LCORL: variants seen among roughly 807,000 people sequenced by gnomAD.
LCORL encodes ligand-dependent nuclear receptor corepressor-like protein.
In LCORL, 41 loss-of-function variants were observed where a neutral mutation model predicts 141.8. The observed-to-expected ratio is 0.29, with a 90% CI of 0.23 to 0.38. LCORL has a LOEUF of 0.38. LCORL is among the 10% of genes least tolerant of loss of function. LCORL has a pLI of 1.00. For missense variants in LCORL, 1,759 were observed against 2,035.0 expected (o/e 0.86, Z 2.61); for synonymous variants, 618 against 694.1 (o/e 0.89, Z 1.72).
At chr4:17,998,501 G>C (rs1480717368) in intron 1 of LCORL, among the ~76,000 whole-genome samples, 1 of 151,308 alleles carries the variant, frequency 6.6e-6, no homozygotes. Context: ...CATTAGCCTA[G>C]GCATACACAG....
At chr4:17,992,927 A>G (rs1577669492) in intron 1 of LCORL, among the ~76,000 whole-genome samples, 2 of 152,364 alleles carry the variant, frequency 1.3e-5, no homozygotes, top group South Asian at 2.1e-4. Context: ...AACAACACAC[A>G]GACTTTAGGG....
chr4:17,869,810 A>T (rs1359528927), intron 7 of LCORL, among the ~76,000 whole-genome samples: 1 of 152,090 alleles, frequency 6.6e-6, no homozygotes, highest in Non-Finnish European at 1.5e-5. Context: ...ATCCCACTGA[A>T]CACCTCAAAT....
chr4:17,881,035 T>C, intron 6 of LCORL: 7 of 981,148 alleles, frequency 7.1e-6, no homozygotes, highest in Non-Finnish European at 8.5e-6. Flanking sequence ...ACTAAAAAAA[T>C]CAGTCTCACT....
intron 4 of LCORL, among the ~76,000 whole-genome samples, chr4:17,922,701 G>A (rs1191830866): frequency 3.9e-5 from 6 of 152,088 alleles, no homozygotes; most frequent in African/African-American, 1.2e-4. Context: ...ACACAGCCTC[G>A]CAAGGTATCT....
At chr4:17,912,735 C>T (rs758353322) in intron 4 of LCORL, 30 of 401,348 alleles carry the variant, frequency 7.5e-5, no homozygotes, top group Non-Finnish European at 1.3e-4. Context: ...CACCTGGAGT[C>T]GGAGCTGGCA....
At chr4:18,019,212 G>A (rs1725104873) in intron 1 of LCORL, among the ~76,000 whole-genome samples, 1 of 152,210 alleles carries the variant, frequency 6.6e-6, no homozygotes, top group Non-Finnish European at 1.5e-5. Context: ...GGTGGCGGAC[G>A]CCTGTAATCC....
At chr4:17,869,649 A>T (rs1370300763) in intron 7 of LCORL, among the ~76,000 whole-genome samples, 1 of 152,052 alleles carries the variant, frequency 6.6e-6, no homozygotes, top group East Asian at 1.9e-4. Context: ...TCTTACAATG[A>T]GTAATCTCAT....
chr4:17,960,634 ATTGTT>A (rs2109593395), intron 4 of LCORL, among the ~76,000 whole-genome samples: 1 of 152,230 alleles, frequency 6.6e-6, no homozygotes, highest in African/African-American at 2.4e-5. Context: ...ATGTAAAATT[ATTGTT>A]TTAAAGAGAT....
At chr4:17,936,922 T>C (rs1167386954) in intron 4 of LCORL, among the ~76,000 whole-genome samples, 2 of 152,180 alleles carry the variant, frequency 1.3e-5, no homozygotes, top group Non-Finnish European at 2.9e-5. Flanking sequence ...TACAATAAAG[T>C]TGAACAAATA....
At chr4:17,981,396 C>A (rs972588522) in intron 1 of LCORL, among the ~76,000 whole-genome samples, 4 of 152,160 alleles carry the variant, frequency 2.6e-5, no homozygotes, top group African/African-American at 9.7e-5. Context: ...CACATGAATA[C>A]AAAATTATCA....
intron 2 of LCORL, among the ~76,000 whole-genome samples, chr4:17,971,631 T>C (rs1219531925): frequency 2.0e-5 from 3 of 151,720 alleles, no homozygotes; most frequent in Non-Finnish European, 4.4e-5. Flanking sequence ...TTAGAATGGC[T>C]GTACTAGTAA....
At chr4:17,968,716 G>A (rs564292943) in intron 2 of LCORL, among the ~76,000 whole-genome samples, 5 of 152,164 alleles carry the variant, frequency 3.3e-5, no homozygotes, top group African/African-American at 9.6e-5. Flanking sequence ...CATAGTCAAG[G>A]AATGAGTGAG....
At chr4:17,930,276 G>A (rs558615591) in intron 4 of LCORL, among the ~76,000 whole-genome samples, 2 of 152,300 alleles carry the variant, frequency 1.3e-5, no homozygotes, top group South Asian at 2.1e-4. Flanking sequence ...GCTGAGAACC[G>A]AAGACTGCTT....
At chr4:17,909,548 A>C (rs2109327924) in intron 4 of LCORL, among the ~76,000 whole-genome samples, 1 of 152,266 alleles carries the variant, frequency 6.6e-6, no homozygotes, top group Non-Finnish European at 1.5e-5. Context: ...AATGTGGCAT[A>C]TTTAATTACT....
At chr4:17,849,694 G>T (rs192244478) in intron 7 of LCORL, among the ~76,000 whole-genome samples, 3 of 152,256 alleles carry the variant, frequency 2.0e-5, no homozygotes, top group Non-Finnish European at 2.9e-5. Context: ...TCATGAAAAT[G>T]GCCATACTGC....
chr4:17,934,860 T>C (rs182538304), intron 4 of LCORL, among the ~76,000 whole-genome samples: 5 of 152,268 alleles, frequency 3.3e-5, no homozygotes, highest in Admixed American at 3.3e-4. Flanking sequence ...CGAAACATGG[T>C]ATCAAGGTAT....
chr4:17,868,603 A>C (rs1280087468), intron 7 of LCORL, among the ~76,000 whole-genome samples: 1 of 152,120 alleles, frequency 6.6e-6, no homozygotes, highest in East Asian at 1.9e-4. Context: ...TTAGGCCATT[A>C]CCATCTCAAA....
chr4:17,945,268 T>C (rs1577501207), intron 4 of LCORL, among the ~76,000 whole-genome samples: 1 of 152,162 alleles, frequency 6.6e-6, no homozygotes, highest in East Asian at 1.9e-4. Flanking sequence ...AAAAATTACA[T>C]TTAAAAGATG....
rs1314171199 is a variant in LCORL at position 17,934,646 on chromosome 4, TTCAG to T, written c.431-25305_431-25302del. ...ACAAATTTAGCTGCAAGTTTTATCATTCAGTAAGTAAATAATCATGGAAATGCAG... is the reference window on the plus strand; with the variant it reads ...ACAAATTTAGCTGCAAGTTTTATCATTAAGTAAATAATCATGGAAATGCAG... On this transcript the variant is annotated intron_variant, in intron 4 of 7. Coordinates refer to ENST00000635767, the Ensembl canonical transcript of LCORL. Among the ~76,000 whole-genome samples the T allele has an allele frequency of 5.3e-5, 8 of 152,282 alleles. No individual in the cohort carries two copies. The East Asian group carries it at 1.5e-3, about 29-fold the overall frequency.
Sources: gnomAD v4.1 joint callset for allele counts (sites outside exome capture counted in the v4.1 genomes callset) on GRCh38, gnomAD v4.1.1 for gene constraint, MANE v1.5 for transcripts, NCBI Gene and HGNC (gene_info 2026-07-23, HGNC 2026-07-21) for gene names.